FOXP2: variants seen among roughly 807,000 people sequenced by gnomAD.
FOXP2 encodes the protein forkhead box P2.
In FOXP2, 12 loss-of-function variants were observed where a neutral mutation model predicts 115.8. That is an observed-to-expected ratio of 0.10 (90% CI 0.07 to 0.17). The LOEUF is 0.17. Among genes scored for constraint, FOXP2 ranks in the 10% least tolerant of loss-of-function variants. The probability of loss-of-function intolerance (pLI) is 1.00; values close to 1 mark genes in which losing one functional copy is unlikely to be tolerated. For synonymous variants in FOXP2, 328 were observed against 297.7 expected, an observed-to-expected ratio of 1.10 and a Z score of -1.05; for missense variants, 629 against 843.5, an observed-to-expected ratio of 0.75 and a Z score of 3.15.
intron 16 of FOXP2, among the ~76,000 whole-genome samples, chr7:114,688,036 C>T (rs531312380): frequency 1.3e-4 from 19 of 150,520 alleles, no homozygotes; most frequent in African/African-American, 3.7e-4. Flanking sequence ...ACAAGTAGTT[C>T]GTTAGTATGG....
chr7:114,628,700 G>C, intron 4 of FOXP2, 23 bp downstream of exon 4: 1 of 1,613,794 alleles, frequency 6.2e-7, no homozygotes, highest in East Asian at 2.2e-5. Context: ...ACCTGCTTTG[G>C]TGTTCTAGCA....
At chr7:114,104,285 A>G (rs1184608640) in intron 1 of FOXP2, among the ~76,000 whole-genome samples, 1 of 151,998 alleles carries the variant, frequency 6.6e-6, no homozygotes, top group East Asian at 1.9e-4. Flanking sequence ...AATACAGGCA[A>G]GGCTGTGGTT....
intron 1 of FOXP2, among the ~76,000 whole-genome samples, chr7:114,179,431 T>C (rs2129154731): frequency 6.6e-6 from 1 of 152,132 alleles, no homozygotes; most frequent in Non-Finnish European, 1.5e-5. Flanking sequence ...TTTCCCACTC[T>C]TGTCATTTCC....
At chr7:114,261,323 T>A (rs1028779551) in intron 1 of FOXP2, among the ~76,000 whole-genome samples, 4 of 152,208 alleles carry the variant, frequency 2.6e-5, no homozygotes. Context: ...TTTTGCACTT[T>A]CAAATCTAAA....
intron 1 of FOXP2, among the ~76,000 whole-genome samples, chr7:114,148,497 A>C (rs1053017337): frequency 6.6e-6 from 1 of 152,122 alleles, no homozygotes; most frequent in South Asian, 2.1e-4. Context: ...ACATATTTAG[A>C]TGCCCAAATG....
intron 1 of FOXP2, among the ~76,000 whole-genome samples, chr7:114,101,671 AATAAG>A (rs765513717): frequency 1.7e-4 from 24 of 143,190 alleles, no homozygotes; most frequent in Non-Finnish European, 2.9e-4. Flanking sequence ...TACCTAAAAA[AATAAG>A]AGAACATTTG....
chr7:114,275,988 C>A (rs556921003), intron 1 of FOXP2, among the ~76,000 whole-genome samples: 1 of 152,274 alleles, frequency 6.6e-6, no homozygotes, highest in East Asian at 1.9e-4. Flanking sequence ...GGCATTTCTT[C>A]TCTTAAATGG....
chr7:114,548,961 G>A (rs1468616952), intron 3 of FOXP2, among the ~76,000 whole-genome samples: 1 of 152,154 alleles, frequency 6.6e-6, no homozygotes, highest in African/African-American at 2.4e-5. Context: ...TTAGATTCTG[G>A]TATCACTGGA....
At chr7:114,126,354 G>A (rs1017074273) in intron 1 of FOXP2, among the ~76,000 whole-genome samples, 17 of 152,106 alleles carry the variant, frequency 1.1e-4, no homozygotes, top group Non-Finnish European at 2.1e-4. Flanking sequence ...GTATGTGTGT[G>A]TATGTGTCAA....
At chr7:114,534,555 G>A (rs749797387) in intron 2 of FOXP2, 62 bp from the exon 3 acceptor site, 5 of 1,324,004 alleles carry the variant, frequency 3.8e-6, no homozygotes, top group Non-Finnish European at 5.5e-6. Context: ...TATTAACCAA[G>A]AGATAATTGA....
At chr7:114,630,822 A>G (rs1804861802) in intron 5 of FOXP2, among the ~76,000 whole-genome samples, 1 of 152,122 alleles carries the variant, frequency 6.6e-6, no homozygotes. Context: ...CAGTGAGCGC[A>G]TCAGAAGTTT....
At chr7:114,178,693 G>A (rs1793380074) in intron 1 of FOXP2, among the ~76,000 whole-genome samples, 1 of 151,898 alleles carries the variant, frequency 6.6e-6, no homozygotes, top group Admixed American at 6.6e-5. Context: ...AGTAAGGTAG[G>A]TCAGCATTTG....
intron 16 of FOXP2, among the ~76,000 whole-genome samples, chr7:114,685,905 A>G (rs949983396): frequency 2.0e-5 from 3 of 152,170 alleles, no homozygotes; most frequent in Non-Finnish European, 4.4e-5. Context: ...CTTCAAAAAA[A>G]GTTGTCATAA....
At chr7:114,579,252 C>T (rs1390974983) in intron 3 of FOXP2, among the ~76,000 whole-genome samples, 1 of 152,122 alleles carries the variant, frequency 6.6e-6, no homozygotes, top group Non-Finnish European at 1.5e-5. Flanking sequence ...ATATTGGACA[C>T]TCAATGTATA....
chr7:114,629,439 C>A (rs922520336), intron 4 of FOXP2, among the ~76,000 whole-genome samples: 2 of 152,148 alleles, frequency 1.3e-5, no homozygotes, highest in Non-Finnish European at 2.9e-5. Context: ...AAGAATTGAG[C>A]AACCTGATTT....
intron 2 of FOXP2, among the ~76,000 whole-genome samples, chr7:114,523,780 C>T (rs1182420136): frequency 6.6e-6 from 1 of 152,116 alleles, no homozygotes; most frequent in Admixed American, 6.6e-5. Flanking sequence ...GTGAGCGTTC[C>T]TTCTCACAGA....
chr7:114,089,508 G>T (rs1799499383), intron 1 of FOXP2, among the ~76,000 whole-genome samples: 1 of 151,858 alleles, frequency 6.6e-6, no homozygotes, highest in Middle Eastern at 3.2e-3. Context: ...CATATTTTGG[G>T]ATATTGTTTT....
chr7:114,690,965 C>T lies in FOXP2; in HGVS notation c.*1039C>T. 2.2e-6 allele frequency: 1 copy of T among 454,472 alleles called. No homozygotes were observed. Among genetic ancestry groups the T allele is most frequent in the South Asian group, 1.6e-5 (1 of 64,478 alleles). The allele number at this position is 454,472 out of a possible 1,614,324, so 28.2% of individuals were successfully genotyped here. On this transcript the variant is annotated 3_prime_UTR_variant, in exon 17 of 17. Transcript: ENST00000350908. Reference sequence around the variant, plus strand: ...AATGTTAATTCAGTCACAGAGTAATCTTCTGAGGCCAAAAGTCCATCTAAA... The same window carrying T: ...AATGTTAATTCAGTCACAGAGTAATTTTCTGAGGCCAAAAGTCCATCTAAA...
At chr7:114,288,260 G>A (rs971717361) in intron 2 of FOXP2, among the ~76,000 whole-genome samples, 1 of 151,910 alleles carries the variant, frequency 6.6e-6, no homozygotes, top group Non-Finnish European at 1.5e-5. Flanking sequence ...CATGTTAAGT[G>A]TGGCAGTAGA....
Sources: gnomAD v4.1 joint callset for allele counts (sites outside exome capture counted in the v4.1 genomes callset) on GRCh38, gnomAD v4.1.1 for gene constraint, MANE v1.5 for transcripts, NCBI Gene and HGNC (gene_info 2026-07-23, HGNC 2026-07-21) for gene names.